The following RPL15 variants were observed in gnomAD, a reference collection of about 807,000 sequenced individuals.
RPL15 encodes the protein large ribosomal subunit protein eL15.
For synonymous variants in RPL15, 97 were observed against 95.1 expected, an observed-to-expected ratio of 1.02 and a Z score of -0.12; for missense variants, 161 against 271.8, an observed-to-expected ratio of 0.59 and a Z score of 2.87.
At chr3:23,918,610 C>G in intron 3 of RPL15, 34 bp downstream of exon 3, 1 of 1,605,746 alleles carries the variant, frequency 6.2e-7, no homozygotes, top group Non-Finnish European at 8.5e-7. Flanking sequence ...ATATTGAATA[C>G]TGCCTGGGGA....
downstream of RPL15, chr3:23,922,284 G>A (rs2125260804): frequency 6.6e-6 from 1 of 152,268 alleles, no homozygotes; most frequent in East Asian, 1.9e-4. This position sits in a 1 kb window ranked among gnomAD's most constrained non-coding sequence, Gnocchi z 4.2. Context: ...AAAAGGTGCA[G>A]TTACTAGTAT....
chr3:23,924,151 G>A (rs1389338698), downstream of RPL15: 2 of 152,258 alleles, frequency 1.3e-5, no homozygotes, highest in African/African-American at 2.4e-5. Flanking sequence ...GACAGCATGA[G>A]TGGTAAGATT....
At chr3:23,916,872 C>G (rs952778347), upstream of RPL15, 2 of 152,878 alleles carry the variant, frequency 1.3e-5, no homozygotes, top group Non-Finnish European at 2.9e-5. Flanking sequence ...TGCCTCCTCT[C>G]GCGGAGAGAC....
Position 23,920,481 on chromosome 3 carries a change from C to T in RPL15, c.*980C>T, listed in dbSNP as rs2125258339. ...ACAAAGTTGGACCATCACTTGTGCACCCACTTTGACTATGAGTATACCACC... is the reference window on the plus strand; with the variant it reads ...ACAAAGTTGGACCATCACTTGTGCATCCACTTTGACTATGAGTATACCACC... On this transcript the variant is annotated 3_prime_UTR_variant, in exon 4 of 4. Transcript: ENST00000307839. 1.0e-6 allele frequency: 1 copy of T among 985,322 alleles called. No homozygotes were observed. Among genetic ancestry groups the T allele is most frequent in the South Asian group, 4.7e-5 (1 of 21,276 alleles). The allele number at this position is 985,322 out of a possible 1,614,324, so 61.0% of individuals were successfully genotyped here. A position where few individuals can be genotyped will look rare whatever the true frequency, so the allele number is the denominator to read the frequency against.
In RPL15 at chr3:23,920,093, C is replaced by T. The variant is rs116295721; in HGVS notation, c.*592C>T. On this transcript the variant is annotated 3_prime_UTR_variant, in exon 4 of 4. Transcript: ENST00000307839. ...CTGGTGTGTTTTGAAGTTGAATGTG[C>T]GATAAAATTATTAGCCTTAAGATTG... 941 of 985,682 alleles carry T rather than the reference C, an allele frequency of 9.5e-4. 6 individuals carry two copies. The African/African-American group carries it at 0.015, about 16-fold the overall frequency. 61.1% of individuals were successfully genotyped at this position (985,682 alleles called of 1,614,324 possible).
At chr3:23,922,874 A>C (rs1705135854), downstream of RPL15, 1 of 152,166 alleles carries the variant, frequency 6.6e-6, no homozygotes, top group Admixed American at 6.6e-5. The surrounding 1 kb of genome is among the most constrained non-coding windows in gnomAD (Gnocchi z 4.2). Flanking sequence ...GCGCGTTCAC[A>C]ACTTACTGTA....
chr3:23,921,489 C>T (rs1705077175), downstream of RPL15: 3 of 656,830 alleles, frequency 4.6e-6, no homozygotes, highest in East Asian at 2.7e-5. Context: ...TAGCTATACC[C>T]TGACCGCCCC....
rs1211917867 is a variant in RPL15, at chr3:23,919,914, A to G, written c.*413A>G. Reference sequence around the variant, plus strand: ...GCGTTTTTTTTAGTTTGGCAGGTGTAGACTTTTTAAGTTGGGCTTTAGAAA... The same window carrying G: ...GCGTTTTTTTTAGTTTGGCAGGTGTGGACTTTTTAAGTTGGGCTTTAGAAA... On this transcript the variant is annotated 3_prime_UTR_variant, in exon 4 of 4. Transcript: ENST00000307839. 1.0e-6 allele frequency: 1 copy of G among 990,954 alleles called. No homozygotes were observed. The highest frequency in any genetic ancestry group is 1.2e-6 in the Non-Finnish European group (1 of 833,534). 61.4% of individuals were successfully genotyped at this position (990,954 alleles called of 1,614,324 possible). A position where few individuals can be genotyped will look rare whatever the true frequency, so the allele number is the denominator to read the frequency against.
chr3:23,917,578 C>A (rs1704700610), intron 1 of RPL15: 2 of 328,126 alleles, frequency 6.1e-6, no homozygotes, highest in Non-Finnish European at 1.1e-5. Context: ...CCTGCCGCAG[C>A]CACCCGCCCC....
At chr3:23,917,485 A>G (rs1704683994) in intron 1 of RPL15, 1 of 165,098 alleles carries the variant, frequency 6.1e-6, no homozygotes, top group African/African-American at 2.4e-5. Flanking sequence ...ATTTTCCTCG[A>G]GAGTTAATCC....
At chr3:23,919,101 CTGG>C in intron 3 of RPL15, 92 bp from the exon 4 acceptor site, 1 of 806,120 alleles carries the variant, frequency 1.2e-6, no homozygotes. Context: ...AGACTCTTGT[CTGG>C]TGGTGAACTA....
chr3:23,919,801 G>A lies in RPL15; in HGVS notation c.*300G>A. On this transcript the variant is annotated 3_prime_UTR_variant, in exon 4 of 4. Coordinates refer to ENST00000307839, the MANE Select transcript of RPL15 (RefSeq NM_002948.5). ...CTTTAAAAGGAGAGAACTGAAACTA[G>A]CCCTGTAGATTTGTCTGGTGCATGT... 2.8e-6 allele frequency: 3 copies of A among 1,077,774 alleles called. No homozygotes were observed. Among genetic ancestry groups the A allele is most frequent in the Non-Finnish European group, 3.4e-6 (3 of 889,458 alleles). 66.8% of individuals were successfully genotyped at this position (1,077,774 alleles called of 1,614,324 possible). A position where few individuals can be genotyped will look rare whatever the true frequency, so the allele number is the denominator to read the frequency against.
Position 23,920,414 on chromosome 3 carries a change from C to T in RPL15, c.*913C>T, listed in dbSNP as rs139105525. ...CCATATGTGTTTTCTGCAGTTATTT[C>T]TCTTGTTCTGGCCAAACAACCCTAA... On this transcript the variant is annotated 3_prime_UTR_variant, in exon 4 of 4. Coordinates refer to ENST00000307839, the MANE Select transcript of RPL15 (RefSeq NM_002948.5). 2.7e-5 allele frequency: 27 copies of T among 985,286 alleles called. No individual in the cohort carries two copies. Among genetic ancestry groups the T allele is most frequent in the Non-Finnish European group, 3.0e-5 (25 of 829,926 alleles). The allele number at this position is 985,286 out of a possible 1,614,324, so 61.0% of individuals were successfully genotyped here.
At chr3:23,918,894 T>C in intron 3 of RPL15, 1 of 519,186 alleles carries the variant, frequency 1.9e-6, no homozygotes, top group South Asian at 2.9e-5. Context: ...CTCTCAGTTG[T>C]ATGGAAAAAG....
At position 23,920,059 on chromosome 3, in the gene RPL15, T is replaced by C; in HGVS notation, c.*558T>C. On this transcript the variant is annotated 3_prime_UTR_variant, in exon 4 of 4. Transcript: ENST00000307839. ...CATGGCATTCAGTGATTAGTGGTAA[T>C]GGTAAACACTGGTGTGTTTTGAAGT... The C allele has an allele frequency of 1.7e-5, 17 of 986,016 alleles. No individual in the cohort carries two copies. Among genetic ancestry groups the C allele is most frequent in the East Asian group, 1.1e-4 (1 of 8,820 alleles). The allele number at this position is 986,016 out of a possible 1,614,324, so 61.1% of individuals were successfully genotyped here.
chr3:23,919,726 G>A lies in RPL15; in HGVS notation c.*225G>A, dbSNP rs72627083. The stretch of plus-strand genomic sequence containing the variant: ...CTTTGCTTTATCTTATTAGGGAGTT[G>A]TATGTCAGTGTATAAAACATACTGT... On this transcript the variant is annotated 3_prime_UTR_variant, in exon 4 of 4. Transcript: ENST00000307839. 7.8e-3 allele frequency: 10,471 copies of A among 1,346,554 alleles called. 361 individuals carry two copies. In the African/African-American group the frequency reaches 0.081, roughly 10 times the overall value. 83.4% of individuals were successfully genotyped at this position (1,346,554 alleles called of 1,614,324 possible). A position where few individuals can be genotyped will look rare whatever the true frequency, so the allele number is the denominator to read the frequency against.
downstream of RPL15, chr3:23,922,171 G>A (rs1466182286): frequency 1.3e-5 from 2 of 152,832 alleles, no homozygotes; most frequent in African/African-American, 2.4e-5. The surrounding 1 kb of genome is among the most constrained non-coding windows in gnomAD (Gnocchi z 4.2). Context: ...GCTGGGCATG[G>A]TGTTGCACGC....
rs1704717261 is a variant in RPL15 at position 23,917,689 on chromosome 3, C to T, written c.-10-161C>T. On this transcript the variant is annotated intron_variant, in intron 1 of 3. Coordinates refer to ENST00000307839, the MANE Select transcript of RPL15 (RefSeq NM_002948.5). ...AAGTGACTGAACGCGGCTCCGTGGG[C>T]GCAGTGGTGGGGGTTGGGCTAGCTG... 7.5e-6 allele frequency: 5 copies of T among 665,888 alleles called. No individual in the cohort carries two copies. In the Admixed American group the frequency reaches 1.0e-4, roughly 13 times the overall value. The allele number at this position is 665,888 out of a possible 1,614,324, so 41.2% of individuals were successfully genotyped here. A position where few individuals can be genotyped will look rare whatever the true frequency, so the allele number is the denominator to read the frequency against.
At chr3:23,921,570 GTTT>G (rs71622703), downstream of RPL15, 2,921 of 503,196 alleles carry the variant, frequency 5.8e-3, 7 homozygotes, top group East Asian at 9.6e-3. Flanking sequence ...TGATTATTGA[GTTT>G]TTTTTTTTTT....
Sources: allele counts gnomAD v4.1 joint callset, GRCh38; gene constraint gnomAD v4.1.1; non-coding constraint Gnocchi (gnomAD v3.1); transcripts MANE v1.5; gene names NCBI Gene and HGNC (gene_info 2026-07-23, HGNC 2026-07-21).